Variants in E2F6 observed in about 807,000 individuals in gnomAD.
The protein encoded by E2F6 is transcription factor E2F6.
A neutral mutation model predicts 31.5 loss-of-function variants in E2F6; 19 were observed. The observed-to-expected ratio is 0.60, with a 90% CI of 0.42 to 0.89. The LOEUF is 0.89. Ranked by LOEUF, E2F6 falls within the 40% of genes least tolerant of loss-of-function variation. The pLI is 0.00. For missense variants in E2F6, 269 were observed against 341.6 expected (o/e 0.79, Z 1.67); for synonymous variants, 121 against 127.7 (o/e 0.95, Z 0.36).
rs755884950 is a variant in E2F6, at chr2:11,447,746, G to A, written c.680C>T (p.Thr227Ile). Residue 227 changes from threonine (T) to isoleucine (I), a missense_variant, in exon 6 of 7, where the codon ACC becomes ATC. Physicochemically the swap from Thr to Ile is moderately conservative, Grantham distance 89. Coordinates refer to ENST00000381525, the MANE Select transcript of E2F6 (RefSeq NM_198256.4). ...EDSITVHIRS[T>I]NGPIDVYLCE... ...CAAATAGACATCGATAGGTCCGTTG[G>A]TGCTCCTTATGTGCACTGTGATAGA... 20 of 1,612,288 alleles carry A rather than the reference G, an allele frequency of 1.2e-5. No individual in the cohort carries two copies. The highest frequency in any genetic ancestry group is 1.7e-5 in the Non-Finnish European group (20 of 1,180,010).
rs143314262 is a variant in E2F6, at chr2:11,463,948, C to CGGGGGGGGGGG, written c.108+1823_108+1824insCCCCCCCCCCC. On this transcript the variant is annotated intron_variant, in intron 1 of 6. Transcript: ENST00000381525. Reference sequence around the variant, plus strand: ...AGGGTGACAGAGTGAGATCCTGCACCGGGGGGGGGGACAAAAACAAAAACA... The same window carrying CGGGGGGGGGGG: ...AGGGTGACAGAGTGAGATCCTGCACCGGGGGGGGGGGGGGGGGGGGGACAAAAACAAAAACA... Among the ~76,000 whole-genome samples, 19 of 71,672 alleles carry CGGGGGGGGGGG rather than the reference C, an allele frequency of 2.7e-4. 1 individual carries two copies. Among genetic ancestry groups the CGGGGGGGGGGG allele is most frequent in the African/African-American group, 4.4e-4 (9 of 20,508 alleles). The allele number at this position is 71,672 out of a possible 152,430, so 47.0% of individuals were successfully genotyped here.
At chr2:11,458,921 C>G (rs1053177412) in intron 1 of E2F6, among the ~76,000 whole-genome samples, 1 of 152,166 alleles carries the variant, frequency 6.6e-6, no homozygotes, top group Non-Finnish European at 1.5e-5. Context: ...CCAGCTCTCT[C>G]AAACAGTGCT....
At chr2:11,447,798 C>T in intron 5 of E2F6, 24 bp from the exon 6 acceptor site, 8 of 1,592,232 alleles carry the variant, frequency 5.0e-6, no homozygotes, top group Non-Finnish European at 6.0e-6. Context: ...CAGGAATCGT[C>T]AAGATGAATG....
chr2:11,453,260 T>G (rs1331887734), intron 3 of E2F6, among the ~76,000 whole-genome samples: 1 of 152,162 alleles, frequency 6.6e-6, no homozygotes, highest in Non-Finnish European at 1.5e-5. Context: ...TGTACTTTCC[T>G]GCTTTCCCTC....
At chr2:11,450,170 G>C in intron 4 of E2F6, 44 bp from the exon 5 acceptor site, 1 of 1,336,680 alleles carries the variant, frequency 7.5e-7, no homozygotes, top group Admixed American at 2.0e-5. Context: ...CTGTTTACTG[G>C]GGAGGTAATT....
In E2F6 at chr2:11,465,794, G is replaced by A; in HGVS notation, c.86C>T (p.Pro29Leu). The A allele has an allele frequency of 6.2e-7, 1 of 1,600,780 alleles. No individual in the cohort carries two copies. Among genetic ancestry groups the A allele is most frequent in the Non-Finnish European group, 8.5e-7 (1 of 1,174,606 alleles). ...EETVRRRCRDPINVEGLLPSK... is the reference protein window; with the variant it reads ...EETVRRRCRDLINVEGLLPSK... ...TACCAGCAGGCCCTCCACGTTGATG[G>A]GGTCTCGGCACCGACGGCGAACCGT... The change falls in exon 1 of 7, where the codon CCC becomes CTC. Residue 29 changes from proline (P) to leucine (L), a missense_variant. Pro to Leu is a moderately conservative substitution (Grantham distance 98). Coordinates refer to ENST00000381525, the MANE Select transcript of E2F6 (RefSeq NM_198256.4).
intron 3 of E2F6, among the ~76,000 whole-genome samples, chr2:11,453,027 T>C (rs1476254950): frequency 6.6e-6 from 1 of 152,238 alleles, no homozygotes; most frequent in East Asian, 1.9e-4. Flanking sequence ...TGTCCCCAAA[T>C]ACTTGCCTAT....
intron 4 of E2F6, 142 bp from the exon 5 acceptor site, chr2:11,450,268 A>T (rs981958399): frequency 2.2e-4 from 38 of 175,580 alleles, no homozygotes; most frequent in African/African-American, 8.9e-4. Flanking sequence ...GGAAAGCAGT[A>T]AAAAAAAAAA....
intron 2 of E2F6, chr2:11,455,546 CAACA>C: frequency 1.0e-6 from 1 of 954,932 alleles, no homozygotes. Flanking sequence ...CACAATTCTA[CAACA>C]AACTCAGGAA....
At chr2:11,452,790 T>G (rs184178658) in intron 3 of E2F6, among the ~76,000 whole-genome samples, 91 of 152,354 alleles carry the variant, frequency 6.0e-4, no homozygotes, top group African/African-American at 2.0e-3. Context: ...TGATTCACAA[T>G]GCATGCCGAT....
At chr2:11,446,577 G>A in intron 6 of E2F6, 54 bp from the exon 7 acceptor site, 1 of 1,449,572 alleles carries the variant, frequency 6.9e-7, no homozygotes. Context: ...CTAAGTGAAG[G>A]TCTGATAGGC....
At position 11,463,375 on chromosome 2, in the gene E2F6, ATTTTC is replaced by A. The variant is rs546076033; in HGVS notation, c.108+2392_108+2396del. Among the ~76,000 whole-genome samples, 21 of 152,288 alleles carry A rather than the reference ATTTTC, an allele frequency of 1.4e-4. 1 individual carries two copies. In the South Asian group the frequency reaches 3.9e-3, roughly 29 times the overall value. The stretch of plus-strand genomic sequence containing the variant: ...TCTTATTTATGATTTTCTTAATAAC[ATTTTC>A]TTTTCTTTAGCTACTTTACTATAAG... On this transcript the variant is annotated intron_variant, in intron 1 of 6. Transcript: ENST00000381525.
At chr2:11,455,030 C>G (rs555421878) in intron 2 of E2F6, among the ~76,000 whole-genome samples, 3 of 152,130 alleles carry the variant, frequency 2.0e-5, no homozygotes, top group African/African-American at 7.2e-5. Flanking sequence ...CTTTTTGTTG[C>G]GAAACTACTG....
At chr2:11,455,430 A>G (rs1386118925) in intron 2 of E2F6, 6 of 1,292,018 alleles carry the variant, frequency 4.6e-6, no homozygotes, top group East Asian at 5.6e-5. Flanking sequence ...ACAAAGGTAC[A>G]TATTTCATAA....
At chr2:11,455,660 T>C (rs1189221821) in intron 2 of E2F6, among the ~76,000 whole-genome samples, 1 of 152,336 alleles carries the variant, frequency 6.6e-6, no homozygotes, top group African/African-American at 2.4e-5. Context: ...CATATTTCTA[T>C]GTTATTTTAT....
At chr2:11,454,453 C>T (rs950427367) in intron 2 of E2F6, among the ~76,000 whole-genome samples, 1 of 151,374 alleles carries the variant, frequency 6.6e-6, no homozygotes. Flanking sequence ...CTCCAGGGTT[C>T]AAGTAATTCT....
chr2:11,446,909 TC>T (rs1350399436), intron 6 of E2F6, among the ~76,000 whole-genome samples: 1 of 152,210 alleles, frequency 6.6e-6, no homozygotes, highest in Non-Finnish European at 1.5e-5. Flanking sequence ...AAGCTTCCTA[TC>T]GGTCCAGCCT....
chr2:11,457,275 C>A, intron 1 of E2F6, 42 bp from the exon 2 acceptor site: 1 of 1,213,102 alleles, frequency 8.2e-7, no homozygotes, highest in South Asian at 1.2e-5. Flanking sequence ...GATTTTAAAA[C>A]AACAATGCAA....
intron 2 of E2F6, among the ~76,000 whole-genome samples, chr2:11,454,633 A>G (rs1346730294): frequency 6.6e-6 from 1 of 152,064 alleles, no homozygotes; most frequent in Non-Finnish European, 1.5e-5. Flanking sequence ...ACAGGCATTA[A>G]GAGCCACCGC....
Sources: allele counts gnomAD v4.1 joint callset (sites outside exome capture counted in the v4.1 genomes callset), GRCh38; gene constraint gnomAD v4.1.1; transcripts MANE v1.5; gene names NCBI Gene and HGNC (gene_info 2026-07-23, HGNC 2026-07-21).